The following AGTPBP1 variants were observed in gnomAD, a reference collection of about 807,000 sequenced individuals.
The protein encoded by AGTPBP1 is ATP/GTP binding carboxypeptidase 1.
AGTPBP1 carries 70 observed loss-of-function variants against 143.9 expected under a neutral mutation model. The ratio of observed to expected loss-of-function variants is 0.49; its 90% CI spans 0.40 to 0.59. AGTPBP1 has a LOEUF of 0.59. Ranked by LOEUF, AGTPBP1 falls within the 20% of genes least tolerant of loss-of-function variation. The probability of loss-of-function intolerance (pLI) is 0.00; values close to 1 mark genes in which losing one functional copy is unlikely to be tolerated. For synonymous variants in AGTPBP1, 463 were observed against 500.2 expected (o/e 0.93, Z 0.99); for missense variants, 1,229 against 1,464.5 (o/e 0.84, Z 2.62).
At chr9:85,640,681 G>A (rs552547021) in intron 13 of AGTPBP1, among the ~76,000 whole-genome samples, 47 of 152,114 alleles carry the variant, frequency 3.1e-4, no homozygotes, top group African/African-American at 1.1e-3. Context: ...AGCCTATTCT[G>A]GGTGACAAAC....
At chr9:85,765,854 A>G in the AGTPBP1 span, among the ~76,000 whole-genome samples, 1 of 152,164 alleles carries the variant, frequency 6.6e-6, no homozygotes, top group Non-Finnish European at 1.5e-5. Flanking sequence ...GCTCATTGAG[A>G]ATTGATGAAA....
intron 15 of AGTPBP1, among the ~76,000 whole-genome samples, chr9:85,619,720 G>T (rs964269501): frequency 2.0e-5 from 3 of 152,126 alleles, no homozygotes; most frequent in Non-Finnish European, 4.4e-5. Context: ...TTAGCATCAA[G>T]AAGCACACGT....
chr9:85,583,228 G>A (rs1828388898), intron 23 of AGTPBP1, among the ~76,000 whole-genome samples: 1 of 152,160 alleles, frequency 6.6e-6, no homozygotes, highest in Admixed American at 6.5e-5. Flanking sequence ...CTTCTGATCT[G>A]CAGAACTGTA....
intron 1 of AGTPBP1, among the ~76,000 whole-genome samples, chr9:85,732,833 A>G (rs552852653): frequency 6.6e-6 from 1 of 152,294 alleles, no homozygotes; most frequent in Non-Finnish European, 1.5e-5. Context: ...GAAGGGCTAT[A>G]CTAGTATCAG....
intron 1 of AGTPBP1, among the ~76,000 whole-genome samples, chr9:85,718,304 A>G (rs188752893): frequency 2.7e-4 from 41 of 152,142 alleles, no homozygotes; most frequent in African/African-American, 9.9e-4. Context: ...AAGTGTTCCT[A>G]TTTCTCCACA....
At chr9:85,647,056 T>A (rs1298763471) in intron 11 of AGTPBP1, among the ~76,000 whole-genome samples, 1 of 152,116 alleles carries the variant, frequency 6.6e-6, no homozygotes, top group African/African-American at 2.4e-5. Flanking sequence ...GGCAGGCAGA[T>A]CAGCTGAGGT....
chr9:85,629,632 T>C (rs1001336283), intron 14 of AGTPBP1, among the ~76,000 whole-genome samples: 19 of 152,218 alleles, frequency 1.2e-4, no homozygotes, highest in Admixed American at 1.2e-3. Flanking sequence ...CACAGAGATA[T>C]GACAGCTAGT....
At chr9:85,766,448 CA>C in the AGTPBP1 span, among the ~76,000 whole-genome samples, 2 of 152,126 alleles carry the variant, frequency 1.3e-5, no homozygotes, top group African/African-American at 2.4e-5. Flanking sequence ...TGAGAATTAA[CA>C]AATTATGTTT....
chr9:85,679,263 G>A (rs147293404), intron 4 of AGTPBP1, among the ~76,000 whole-genome samples: 316 of 152,230 alleles, frequency 2.1e-3, no homozygotes, highest in Admixed American at 4.5e-3. Flanking sequence ...TTTAAACACT[G>A]TACTTTGGTT....
At position 85,592,635 on chromosome 9, in the gene AGTPBP1, A is replaced by T. The variant is rs1340113278; in HGVS notation, c.2493T>A (p.Phe831Leu). The T allele has an allele frequency of 6.2e-7, 1 of 1,612,614 alleles. No individual in the cohort carries two copies. Among genetic ancestry groups the T allele is most frequent in the Admixed American group, 1.7e-5 (1 of 59,812 alleles). ...QKGKSYYTIT[F>L]TVNFPHKDDV... ...CATCTTTATGTGGAAAATTGACAGTAAATGTAATTGTATAGTAGGATTTTC... is the reference window on the plus strand; with the variant it reads ...CATCTTTATGTGGAAAATTGACAGTTAATGTAATTGTATAGTAGGATTTTC... The change falls in exon 19 of 26, where the codon TTT becomes TTA. Residue 831 changes from phenylalanine to leucine, a missense_variant. Physicochemically the swap from Phe to Leu is conservative, Grantham distance 22 (BLOSUM62 0). Around this residue, in one of 2 missense-constraint regions of AGTPBP1, gnomAD observed 486 missense variants for 652.3 expected, o/e 0.75. Transcript: ENST00000357081.
At chr9:85,712,109 C>A (rs79646802) in intron 2 of AGTPBP1, among the ~76,000 whole-genome samples, 2,256 of 152,032 alleles carry the variant, frequency 0.015, 25 homozygotes, top group Middle Eastern at 0.037. Flanking sequence ...ACTAAAAGTA[C>A]AAAAAATCAG....
intron 2 of AGTPBP1, among the ~76,000 whole-genome samples, chr9:85,698,670 C>T (rs1003534614): frequency 6.7e-6 from 1 of 149,022 alleles, no homozygotes; most frequent in African/African-American, 2.5e-5. Context: ...GTATCTTCCC[C>T]ACCTAACCCT....
At chr9:85,735,508 A>T (rs1003812391) in intron 1 of AGTPBP1, among the ~76,000 whole-genome samples, 1 of 152,194 alleles carries the variant, frequency 6.6e-6, no homozygotes, top group African/African-American at 2.4e-5. Flanking sequence ...TAAACTACAC[A>T]CTTAAAAGTG....
intron 14 of AGTPBP1, among the ~76,000 whole-genome samples, chr9:85,629,368 A>C (rs1831511729): frequency 6.6e-6 from 1 of 152,234 alleles, no homozygotes; most frequent in Non-Finnish European, 1.5e-5. Context: ...GAGAAAACTA[A>C]TCACAAATAT....
chr9:85,790,992 T>C, the AGTPBP1 span, among the ~76,000 whole-genome samples: 6 of 152,210 alleles, frequency 3.9e-5, no homozygotes, highest in Non-Finnish European at 7.3e-5. Context: ...TAAAACCTTA[T>C]TTGTATACTG....
intron 2 of AGTPBP1, among the ~76,000 whole-genome samples, chr9:85,703,328 T>G (rs1266503142): frequency 2.0e-5 from 3 of 152,222 alleles, no homozygotes; most frequent in African/African-American, 7.2e-5. Context: ...CTCCTGGCTC[T>G]TGTGAAGTGA....
the AGTPBP1 span, among the ~76,000 whole-genome samples, chr9:85,801,204 C>T: frequency 1.3e-5 from 2 of 151,870 alleles, no homozygotes; most frequent in African/African-American, 2.4e-5. Context: ...CCCAGCTACT[C>T]GGGAGGCTGA....
At chr9:85,780,069 T>C in the AGTPBP1 span, among the ~76,000 whole-genome samples, 162 of 152,250 alleles carry the variant, frequency 1.1e-3, 3 homozygotes, top group East Asian at 0.027. Context: ...TATACAAATA[T>C]ACTTAAACAA....
chr9:85,634,438 T>C (rs1162041622), intron 13 of AGTPBP1, among the ~76,000 whole-genome samples: 1 of 151,936 alleles, frequency 6.6e-6, no homozygotes, highest in Non-Finnish European at 1.5e-5. Context: ...ACAGCAAGGA[T>C]GGGATAGCTG....
Sources: allele counts gnomAD v4.1 joint callset (sites outside exome capture counted in the v4.1 genomes callset), GRCh38; gene constraint gnomAD v4.1.1; regional missense constraint gnomAD v4.1.1; transcripts MANE v1.5; gene names NCBI Gene and HGNC (gene_info 2026-07-23, HGNC 2026-07-21).